UBE2Q2: variants seen among roughly 807,000 people sequenced by gnomAD.
UBE2Q2 encodes the protein ubiquitin-conjugating enzyme E2 Q2.
UBE2Q2 carries 54 observed loss-of-function variants against 59.9 expected under a neutral mutation model. The observed-to-expected ratio is 0.90, with a 90% confidence interval of 0.72 to 1.13. The LOEUF is 1.13. Ranked by LOEUF, UBE2Q2 falls within the 50% of genes most tolerant of loss-of-function variation. The pLI, the probability that UBE2Q2 is intolerant of heterozygous loss-of-function variation, is 0.00. For missense variants in UBE2Q2, 433 were observed against 441.9 expected, an observed-to-expected ratio of 0.98 and a Z score of 0.18; for synonymous variants, 165 against 155.2, an observed-to-expected ratio of 1.06 and a Z score of -0.47.
chr15:75,880,193 A>G (rs960217743), intron 8 of UBE2Q2, among the ~76,000 whole-genome samples: 2 of 151,138 alleles, frequency 1.3e-5, no homozygotes, highest in East Asian at 2.0e-4. Flanking sequence ...GCTCACTGCA[A>G]CCTCTGCCTC....
At chr15:75,879,419 C>T (rs1486421266) in intron 8 of UBE2Q2, among the ~76,000 whole-genome samples, 1 of 152,094 alleles carries the variant, frequency 6.6e-6, no homozygotes, top group East Asian at 1.9e-4. Context: ...AGTGTTCATT[C>T]CAATAAAATG....
At chr15:75,866,597 A>G (rs1019711522) in intron 3 of UBE2Q2, among the ~76,000 whole-genome samples, 5 of 152,086 alleles carry the variant, frequency 3.3e-5, no homozygotes, top group Non-Finnish European at 7.4e-5. Context: ...TTAGATCTCT[A>G]TATCTTCAAT....
Position 75,843,690 on chromosome 15 carries a change from C to G in UBE2Q2, c.24C>G (p.Ala8=). Residue 8 remains alanine (A), a synonymous_variant, in exon 1 of 13, where the codon GCC becomes GCG. Coordinates refer to ENST00000267938, the MANE Select transcript of UBE2Q2 (RefSeq NM_173469.4). MSVSGLK[A]ELKFLASIFD... is the part of the protein sequence containing the mutation. Reference sequence around the variant, plus strand: ...AGATGTCCGTGTCAGGGCTCAAGGCCGAGCTGAAGTTCCTGGCGTCCATCT... The same window carrying G: ...AGATGTCCGTGTCAGGGCTCAAGGCGGAGCTGAAGTTCCTGGCGTCCATCT... 2 of 1,610,876 alleles carry G rather than the reference C, an allele frequency of 1.2e-6. No individual in the cohort carries two copies. The highest frequency in any genetic ancestry group is 1.1e-5 in the South Asian group (1 of 90,790).
intron 7 of UBE2Q2, chr15:75,878,325 A>G (rs2141632928): frequency 3.5e-6 from 1 of 283,278 alleles, no homozygotes; most frequent in East Asian, 7.1e-5. Context: ...TAACCAGTTT[A>G]TATTTGAAAT....
chr15:75,897,880 A>G (rs183731534), intron 12 of UBE2Q2, among the ~76,000 whole-genome samples: 57 of 152,144 alleles, frequency 3.7e-4, no homozygotes, highest in Non-Finnish European at 7.2e-4. Flanking sequence ...GTGACTTAAG[A>G]TTTGTGTTTT....
intron 7 of UBE2Q2, among the ~76,000 whole-genome samples, chr15:75,878,648 A>G (rs576067148): frequency 6.7e-6 from 1 of 149,472 alleles, no homozygotes; most frequent in African/African-American, 2.5e-5. Context: ...GGTGGGATTC[A>G]AATTAGACCT....
At chr15:75,853,491 TA>T (rs1404326372) in intron 1 of UBE2Q2, among the ~76,000 whole-genome samples, 5 of 122,878 alleles carry the variant, frequency 4.1e-5, no homozygotes, top group African/African-American at 2.4e-4. Context: ...AAAAAAAAAT[TA>T]TATATATATA....
chr15:75,861,144 T>C (rs1271294234), intron 3 of UBE2Q2, among the ~76,000 whole-genome samples: 1 of 152,262 alleles, frequency 6.6e-6, no homozygotes, highest in Non-Finnish European at 1.5e-5. Flanking sequence ...AATGAGTTCG[T>C]ACAAGTAAAC....
chr15:75,851,123 C>T (rs2141542499), intron 1 of UBE2Q2, among the ~76,000 whole-genome samples: 1 of 150,604 alleles, frequency 6.6e-6, no homozygotes, highest in South Asian at 2.1e-4. Flanking sequence ...TTAGATAATC[C>T]TGGATATTCT....
At chr15:75,880,552 C>T (rs1274973497) in intron 8 of UBE2Q2, among the ~76,000 whole-genome samples, 5 of 150,576 alleles carry the variant, frequency 3.3e-5, no homozygotes, top group African/African-American at 9.8e-5. Flanking sequence ...CCCAGGCTGG[C>T]GTGTGGTGGC....
chr15:75,873,622 T>A, intron 5 of UBE2Q2, 54 bp downstream of exon 5: 2 of 1,561,048 alleles, frequency 1.3e-6, no homozygotes, highest in Non-Finnish European at 1.7e-6. Context: ...ATAATTGTAG[T>A]TAATACCAGG....
intron 10 of UBE2Q2, 80 bp from the exon 11 acceptor site, chr15:75,890,839 T>G: frequency 2.5e-6 from 3 of 1,195,920 alleles, no homozygotes; most frequent in Non-Finnish European, 3.7e-6. Context: ...TGCTGTTGAG[T>G]TATATACCAT....
At chr15:75,856,089 A>T (rs779580597) in intron 2 of UBE2Q2, among the ~76,000 whole-genome samples, 1 of 151,986 alleles carries the variant, frequency 6.6e-6, no homozygotes, top group Non-Finnish European at 1.5e-5. Flanking sequence ...GAGGAGGCTG[A>T]GGTGGGAGGA....
At chr15:75,843,888 G>A (rs914565321) in intron 1 of UBE2Q2, 42 bp downstream of exon 1, 7 of 1,509,270 alleles carry the variant, frequency 4.6e-6, no homozygotes, top group African/African-American at 4.3e-5. Flanking sequence ...GGGCGAGGAC[G>A]GAGAGGGGGC....
intron 1 of UBE2Q2, 41 bp from the exon 2 acceptor site, chr15:75,854,345 T>C (rs763486443): frequency 6.6e-7 from 1 of 1,512,738 alleles, no homozygotes; most frequent in East Asian, 2.3e-5. Flanking sequence ...TTTGGGTTAG[T>C]CTGTATGTAA....
chr15:75,874,115 C>T (rs746572509), intron 5 of UBE2Q2, among the ~76,000 whole-genome samples: 17 of 152,050 alleles, frequency 1.1e-4, no homozygotes, highest in Non-Finnish European at 2.4e-4. Flanking sequence ...TGCCCCTTCC[C>T]GGCCTGTTTA....
At chr15:75,872,296 T>A (rs891407103) in intron 4 of UBE2Q2, among the ~76,000 whole-genome samples, 3 of 150,462 alleles carry the variant, frequency 2.0e-5, no homozygotes, top group African/African-American at 7.3e-5. Flanking sequence ...TAACCTGGTC[T>A]AGAAATCAGT....
intron 9 of UBE2Q2, among the ~76,000 whole-genome samples, chr15:75,885,803 A>G (rs1898732417): frequency 6.6e-6 from 1 of 152,224 alleles, no homozygotes; most frequent in African/African-American, 2.4e-5. Flanking sequence ...AATTGTGTAC[A>G]GTTTTCTTTT....
intron 3 of UBE2Q2, among the ~76,000 whole-genome samples, chr15:75,864,325 A>G (rs1280366248): frequency 1.3e-5 from 2 of 151,968 alleles, no homozygotes; most frequent in African/African-American, 4.8e-5. Flanking sequence ...CCCGTGGGAC[A>G]TTTGGAAATA....
Sources: gnomAD v4.1 joint callset for allele counts (sites outside exome capture counted in the v4.1 genomes callset) on GRCh38, gnomAD v4.1.1 for gene constraint, MANE v1.5 for transcripts, NCBI Gene and HGNC (gene_info 2026-07-23, HGNC 2026-07-21) for gene names.